The following LTBP1 variants were observed in gnomAD, a reference collection of about 807,000 sequenced individuals.
LTBP1 encodes the protein latent transforming growth factor beta binding protein 1, also known as latent-transforming growth factor beta-binding protein 1.
LTBP1 carries 129 observed loss-of-function variants against 207.6 expected under a neutral mutation model. The ratio of observed to expected loss-of-function variants is 0.62; its 90% CI spans 0.54 to 0.72. The LOEUF (loss-of-function observed/expected upper bound fraction) is 0.72. LTBP1 is among the 30% of genes least tolerant of loss of function. The probability of loss-of-function intolerance (pLI) is 0.00; values close to 1 mark genes in which losing one functional copy is unlikely to be tolerated. For missense variants in LTBP1, 2,281 were observed against 2,217.2 expected, an observed-to-expected ratio of 1.03 and a Z score of -0.58; for synonymous variants, 963 against 833.7, an observed-to-expected ratio of 1.16 and a Z score of -2.67.
At chr2:33,343,021 C>T (rs2094649400) in intron 25 of LTBP1, 58 bp downstream of exon 25, 2 of 1,544,748 alleles carry the variant, frequency 1.3e-6, no homozygotes, top group Non-Finnish European at 1.8e-6. Flanking sequence ...AAAGAAATCA[C>T]AGTGAACAAC....
chr2:33,245,517 C>A (rs1248121743), intron 10 of LTBP1, among the ~76,000 whole-genome samples: 1 of 152,128 alleles, frequency 6.6e-6, no homozygotes, highest in Admixed American at 6.6e-5. Context: ...TTTCTGTGTT[C>A]TTTTACAAAC....
In LTBP1 at chr2:32,974,356, C is replaced by T. The variant is rs549227970; in HGVS notation, c.565+25411C>T. The stretch of plus-strand genomic sequence containing the variant: ...CATTTCTCTGATGATCAGTGATGTT[C>T]ATTTGCCTGTTGGAATTTGTATGTC... On this transcript the variant is annotated intron_variant, in intron 2 of 33. Coordinates refer to ENST00000404816, the MANE Select transcript of LTBP1 (RefSeq NM_206943.4). Among the ~76,000 whole-genome samples the T allele has an allele frequency of 6.6e-5, 10 of 152,048 alleles. No homozygotes were observed. In the South Asian group the frequency reaches 1.9e-3, roughly 28 times the overall value.
At chr2:33,246,671 C>T (rs1299453509) in intron 10 of LTBP1, among the ~76,000 whole-genome samples, 1 of 152,204 alleles carries the variant, frequency 6.6e-6, no homozygotes, top group Non-Finnish European at 1.5e-5. Flanking sequence ...CTCTGAACTC[C>T]TGCACATGGT....
In LTBP1 at chr2:33,099,455, G is replaced by A. The variant is rs922905424; in HGVS notation, c.864-11127G>A. Among the ~76,000 whole-genome samples the A allele has an allele frequency of 5.3e-5, 8 of 151,274 alleles. No homozygotes were observed. The South Asian group carries it at 6.5e-4, about 12-fold the overall frequency. On this transcript the variant is annotated intron_variant, in intron 3 of 33. Transcript: ENST00000404816. ...TATATTACATTTAAAAAATTTTCCC[G>A]TATGAAATATTTTTTTGGTGTGACT...
intron 2 of LTBP1, among the ~76,000 whole-genome samples, chr2:32,967,210 T>G (rs866324432): frequency 2.6e-5 from 4 of 152,256 alleles, no homozygotes; most frequent in Middle Eastern, 6.8e-3. Context: ...TCTTCTTTTT[T>G]TCTTAGTTAG....
At chr2:33,015,762 G>A (rs1391091606) in intron 2 of LTBP1, among the ~76,000 whole-genome samples, 2 of 152,198 alleles carry the variant, frequency 1.3e-5, no homozygotes, top group African/African-American at 4.8e-5. Context: ...AGCAGCTTGT[G>A]CTTCTGGGGA....
intron 3 of LTBP1, among the ~76,000 whole-genome samples, chr2:33,039,262 A>G (rs946914744): frequency 6.6e-6 from 1 of 152,006 alleles, no homozygotes; most frequent in Admixed American, 6.6e-5. Flanking sequence ...GGGCAAATGC[A>G]TAGTTGTTGC....
intron 2 of LTBP1, among the ~76,000 whole-genome samples, chr2:32,961,225 C>T (rs1201912388): frequency 6.6e-6 from 1 of 152,170 alleles, no homozygotes; most frequent in Non-Finnish European, 1.5e-5. Context: ...CCCAGATTGC[C>T]AGACCAGCCT....
At chr2:33,323,183 C>T (rs1043002409) in intron 24 of LTBP1, among the ~76,000 whole-genome samples, 1 of 152,054 alleles carries the variant, frequency 6.6e-6, no homozygotes, top group African/African-American at 2.4e-5. Context: ...TTACACTAGC[C>T]TATAGTTAGG....
intron 3 of LTBP1, among the ~76,000 whole-genome samples, chr2:33,039,949 G>A: frequency 6.6e-6 from 1 of 152,106 alleles, no homozygotes; most frequent in East Asian, 1.9e-4. Flanking sequence ...AAATGAGGAA[G>A]GAGAGTAGGT....
At chr2:33,283,823 C>T (rs1355166570) in intron 19 of LTBP1, among the ~76,000 whole-genome samples, 4 of 152,160 alleles carry the variant, frequency 2.6e-5, no homozygotes. Context: ...ATGATAATGT[C>T]TATCTCACAG....
At chr2:33,103,626 T>A (rs1208444629) in intron 3 of LTBP1, among the ~76,000 whole-genome samples, 2 of 134,518 alleles carry the variant, frequency 1.5e-5, no homozygotes, top group African/African-American at 5.6e-5. Flanking sequence ...TGTGTGTGTG[T>A]GAGTGTTATG....
intron 24 of LTBP1, among the ~76,000 whole-genome samples, chr2:33,318,234 G>A (rs2094301491): frequency 6.6e-6 from 1 of 152,192 alleles, no homozygotes; most frequent in Non-Finnish European, 1.5e-5. Flanking sequence ...GGGATAGATA[G>A]CTGGGAGAGG....
At chr2:33,198,138 T>C (rs2088784442) in intron 7 of LTBP1, among the ~76,000 whole-genome samples, 1 of 152,222 alleles carries the variant, frequency 6.6e-6, no homozygotes, top group Admixed American at 6.5e-5. Flanking sequence ...CAAACTTTTC[T>C]GCATCTATTG....
At position 33,047,179 on chromosome 2, in the gene LTBP1, T is replaced by G. The variant is rs181871049; in HGVS notation, c.863+25973T>G. Among the ~76,000 whole-genome samples, 27 of 152,346 alleles carry G rather than the reference T, an allele frequency of 1.8e-4. No individual in the cohort carries two copies. The East Asian group carries it at 5.2e-3, about 29-fold the overall frequency. On this transcript the variant is annotated intron_variant, in intron 3 of 33. Transcript: ENST00000404816. The stretch of plus-strand genomic sequence containing the variant: ...AGCTTTTGAATGTGTTTGCTCTTGC[T>G]TCTCCAATTCTTTTAATTGTGATGT...
At chr2:33,081,146 G>A (rs146961005) in intron 3 of LTBP1, among the ~76,000 whole-genome samples, 4 of 151,976 alleles carry the variant, frequency 2.6e-5, no homozygotes, top group African/African-American at 9.7e-5. Flanking sequence ...CCTTTGTTCA[G>A]TTCTTCTTGG....
At chr2:33,302,343 A>G (rs1191745094) in intron 22 of LTBP1, among the ~76,000 whole-genome samples, 1 of 152,238 alleles carries the variant, frequency 6.6e-6, no homozygotes, top group Non-Finnish European at 1.5e-5. Context: ...GTGAAACCAG[A>G]AATATGCATG....
At chr2:33,313,833 T>C (rs1453276884) in intron 23 of LTBP1, among the ~76,000 whole-genome samples, 1 of 152,164 alleles carries the variant, frequency 6.6e-6, no homozygotes, top group East Asian at 1.9e-4. Context: ...CTGAGATCGT[T>C]TATCAAGGAG....
At chr2:33,300,894 T>G (rs2093977318) in intron 21 of LTBP1, among the ~76,000 whole-genome samples, 1 of 152,222 alleles carries the variant, frequency 6.6e-6, no homozygotes, top group Non-Finnish European at 1.5e-5. Flanking sequence ...TTTTATATAC[T>G]TGGATTTCAG....
Sources: allele counts gnomAD v4.1 joint callset (sites outside exome capture counted in the v4.1 genomes callset), GRCh38; gene constraint gnomAD v4.1.1; transcripts MANE v1.5; gene names NCBI Gene and HGNC (gene_info 2026-07-23, HGNC 2026-07-21).